Variants in ZC3H13 observed in about 807,000 individuals in gnomAD.
ZC3H13 encodes zinc finger CCCH domain-containing protein 13.
In ZC3H13, 64 loss-of-function variants were observed where a neutral mutation model predicts 204.1. The ratio of observed to expected loss-of-function variants is 0.31; its 90% confidence interval spans 0.26 to 0.39. The LOEUF is 0.39. ZC3H13 is among the 10% of genes least tolerant of loss of function. ZC3H13 has a pLI of 1.00. For missense variants in ZC3H13, 1,833 were observed against 2,082.7 expected (o/e 0.88, Z 2.33); for synonymous variants, 667 against 693.7 (o/e 0.96, Z 0.60).
Position 45,969,270 on chromosome 13 carries a change from T to A in ZC3H13, c.3274A>T (p.Ser1092Cys). ...AGAGAAGATAGAGGAGAAGGGGTAC[T>A]ACCAGGAGTCGTGGCGGTGGCAGTA... is the stretch of plus-strand genomic sequence containing the variant. Reference protein sequence around the residue: ...EHTATATTPGSTPSPLSSLLP... With the variant: ...EHTATATTPGCTPSPLSSLLP... The change falls in exon 14 of 19, where the codon AGT becomes TGT. Residue 1092 changes from serine to cysteine, a missense_variant. Physicochemically the swap from Ser to Cys is moderately radical, Grantham distance 112. Coordinates refer to ENST00000679008, the MANE Select transcript of ZC3H13 (RefSeq NM_001330564.2). 1 of 1,610,918 alleles carries A rather than the reference T, an allele frequency of 6.2e-7. No individual in the cohort carries two copies. The highest frequency in any genetic ancestry group is 8.5e-7 in the Non-Finnish European group (1 of 1,177,246).
chr13:45,968,198 T>C (rs1324598314), intron 14 of ZC3H13, among the ~76,000 whole-genome samples, 170 bp from the exon 15 acceptor site: 1 of 152,156 alleles, frequency 6.6e-6, no homozygotes, highest in Non-Finnish European at 1.5e-5. Context: ...ATTCTACATA[T>C]ACATTTCTCT....
chr13:45,961,003 C>A (rs888708731), intron 17 of ZC3H13, among the ~76,000 whole-genome samples: 2 of 152,134 alleles, frequency 1.3e-5, no homozygotes, highest in African/African-American at 4.8e-5. Context: ...GAAACTAGTT[C>A]TCAAACACTG....
chr13:45,969,864 G>T lies in ZC3H13; in HGVS notation c.2680C>A (p.Arg894Ser). 6.2e-7 allele frequency: 1 copy of T among 1,613,720 alleles called. No homozygotes were observed. Among genetic ancestry groups the T allele is most frequent in the Non-Finnish European group, 8.5e-7 (1 of 1,179,958 alleles). ...DRQGRWKEEDRKPERKESSRR... is the reference protein window; with the variant it reads ...DRQGRWKEEDSKPERKESSRR... ...GAACTCTCTTTCCTTTCTGGTTTAC[G>T]ATCCTCCTCTTTCCATCTACCCTGT... The change falls in exon 14 of 19, where the codon CGT (arginine) becomes AGT (serine). Residue 894 changes from arginine to serine, a missense_variant. By Grantham distance (110) the Arg-to-Ser change is moderately radical (BLOSUM62 -1). Around this residue, in one of 5 missense-constraint regions of ZC3H13, gnomAD observed 1,574 missense variants for 1,757.2 expected, o/e 0.90. Coordinates refer to ENST00000679008, the MANE Select transcript of ZC3H13 (RefSeq NM_001330564.2).
chr13:46,008,384 T>C (rs972908375), intron 7 of ZC3H13, among the ~76,000 whole-genome samples: 2 of 152,048 alleles, frequency 1.3e-5, no homozygotes, highest in African/African-American at 4.8e-5. Flanking sequence ...TTTAATATAC[T>C]GTTTTTCCAG....
At chr13:45,965,825 TTATC>T (rs1469587862) in intron 15 of ZC3H13, among the ~76,000 whole-genome samples, 2 of 152,146 alleles carry the variant, frequency 1.3e-5, no homozygotes, top group Non-Finnish European at 2.9e-5. Flanking sequence ...TTTTCACAAT[TTATC>T]TAAACAAAGT....
chr13:46,020,388 G>A (rs912215880), intron 5 of ZC3H13, 61 bp downstream of exon 5: 39 of 1,319,926 alleles, frequency 3.0e-5, no homozygotes, highest in Non-Finnish European at 3.7e-5. Flanking sequence ...TGAAGCCCAC[G>A]AAAACTCTAG....
intron 4 of ZC3H13, among the ~76,000 whole-genome samples, chr13:46,028,321 T>C (rs1324634749): frequency 6.6e-6 from 1 of 152,078 alleles, no homozygotes; most frequent in East Asian, 1.9e-4. Context: ...AGCATCAAAA[T>C]ACCTGAGGCA....
At chr13:46,008,997 T>A (rs2041354559) in intron 7 of ZC3H13, among the ~76,000 whole-genome samples, 2 of 152,094 alleles carry the variant, frequency 1.3e-5, no homozygotes, top group South Asian at 4.1e-4. Flanking sequence ...AAGATCCCAA[T>A]CTTCAAGGAG....
chr13:46,047,102 C>T (rs180851273), intron 1 of ZC3H13, among the ~76,000 whole-genome samples: 2 of 152,094 alleles, frequency 1.3e-5, no homozygotes, highest in East Asian at 1.9e-4. Flanking sequence ...CGTGGTAGTA[C>T]CTAATTGAAA....
Position 45,975,369 on chromosome 13 carries a change from G to T in ZC3H13, c.2382C>A (p.Asp794Glu), listed in dbSNP as rs766060723. 26 of 1,613,782 alleles carry T rather than the reference G, an allele frequency of 1.6e-5. No individual in the cohort carries two copies. The highest frequency in any genetic ancestry group is 2.2e-5 in the Non-Finnish European group (26 of 1,179,918). Residue 794 changes from aspartate to glutamate, a missense_variant, in exon 12 of 19, where the codon GAC (aspartate) becomes GAA (glutamate). Physicochemically the swap from Asp to Glu is conservative, Grantham distance 45. Coordinates refer to ENST00000679008, the MANE Select transcript of ZC3H13 (RefSeq NM_001330564.2). The part of the protein sequence containing the change: ...RERQRDWEDK[D>E]KGRDDRREKR... ...TTTCTCTGCGGTCATCTCGTCCTTT[G>T]TCTTTGTCTTCCCAATCCCTTTGGC... is the stretch of plus-strand genomic sequence containing the variant.
At chr13:45,998,347 A>T (rs917279914) in intron 8 of ZC3H13, among the ~76,000 whole-genome samples, 1 of 152,074 alleles carries the variant, frequency 6.6e-6, no homozygotes, top group Non-Finnish European at 1.5e-5. Context: ...CAATAGATTT[A>T]TATCTAAAAA....
chr13:45,967,555 C>A lies in ZC3H13; in HGVS notation c.4270G>T (p.Val1424Leu). 2 of 1,605,658 alleles carry A rather than the reference C, an allele frequency of 1.2e-6. No homozygotes were observed. The highest frequency in any genetic ancestry group is 1.7e-6 in the Non-Finnish European group (2 of 1,176,398). The change falls in exon 15 of 19, where the codon GTG becomes TTG. Residue 1424 changes from valine to leucine, a missense_variant. By Grantham distance (32) the Val-to-Leu change is conservative (BLOSUM62 1). Transcript: ENST00000679008. Reference protein sequence around the residue: ...KERMDKDLGSVQGFEETNKSE... With the variant: ...KERMDKDLGSLQGFEETNKSE... ...TTATTTGTTTCTTCAAATCCCTGCA[C>A]AGATCCCAGATCTTTATCCATTCTC...
chr13:45,991,809 A>G (rs571983786), intron 8 of ZC3H13, among the ~76,000 whole-genome samples: 1 of 152,166 alleles, frequency 6.6e-6, no homozygotes, highest in Non-Finnish European at 1.5e-5. Context: ...TTCCAATCAA[A>G]CACTTTTTAG....
At chr13:45,974,981 G>C (rs1952896664) in intron 12 of ZC3H13, among the ~76,000 whole-genome samples, 1 of 151,862 alleles carries the variant, frequency 6.6e-6, no homozygotes. Flanking sequence ...CAAGTAGCTG[G>C]GATACAGGCA....
At chr13:45,992,287 C>T (rs2040020195) in intron 8 of ZC3H13, among the ~76,000 whole-genome samples, 1 of 152,004 alleles carries the variant, frequency 6.6e-6, no homozygotes. Context: ...ATACTAAGCT[C>T]CAAGCATTAT....
intron 9 of ZC3H13, among the ~76,000 whole-genome samples, chr13:45,988,317 G>A (rs1222799989): frequency 6.6e-6 from 1 of 152,080 alleles, no homozygotes; most frequent in African/African-American, 2.4e-5. Flanking sequence ...GAGTATGGTG[G>A]TGCGATCTTG....
chr13:46,034,897 G>C (rs1355842725), intron 4 of ZC3H13, among the ~76,000 whole-genome samples: 7 of 152,176 alleles, frequency 4.6e-5, no homozygotes, highest in Non-Finnish European at 7.4e-5. Flanking sequence ...ACAGATAACA[G>C]ATGGTCACTA....
At chr13:45,986,331 A>G (rs1954186818) in intron 9 of ZC3H13, among the ~76,000 whole-genome samples, 1 of 152,170 alleles carries the variant, frequency 6.6e-6, no homozygotes, top group African/African-American at 2.4e-5. Context: ...CGTGGCATGT[A>G]CCTACAGTGC....
At chr13:45,988,699 C>A in intron 9 of ZC3H13, 88 bp downstream of exon 9, 2 of 1,436,510 alleles carry the variant, frequency 1.4e-6, no homozygotes, top group Non-Finnish European at 1.9e-6. Flanking sequence ...GAAGACTTAA[C>A]ATAGCAAAGT....
Sources: gnomAD v4.1 joint callset for allele counts (sites outside exome capture counted in the v4.1 genomes callset) on GRCh38, gnomAD v4.1.1 for gene constraint, gnomAD v4.1.1 regional missense constraint, MANE v1.5 for transcripts, NCBI Gene and HGNC (gene_info 2026-07-23, HGNC 2026-07-21) for gene names.